The following USP6NL variants were observed in gnomAD, a reference collection of about 807,000 sequenced individuals.
USP6NL encodes the protein USP6 N-terminal like.
Under a neutral mutation model 61.9 loss-of-function variants are expected in USP6NL, and 26 were observed. The observed-to-expected ratio is 0.42, with a 90% CI of 0.31 to 0.58. USP6NL has a LOEUF of 0.58. Ranked by LOEUF, USP6NL falls within the 20% of genes least tolerant of loss-of-function variation. USP6NL has a pLI of 0.16. For synonymous variants in USP6NL, 432 were observed against 390.1 expected (o/e 1.11, Z -1.27); for missense variants, 1,114 against 1,034.3 (o/e 1.08, Z -1.06).
rs773714928 is a variant in USP6NL at position 11,518,580 on chromosome 10, G to A, written c.156-6C>T. ...GATCTGGGAGCTCCTCCTCACTGCA[G>A]AGGAAAAACAGTATTATATGAAATT... is the stretch of plus-strand genomic sequence containing the variant. On this transcript the variant is annotated splice_region_variant and splice_polypyrimidine_tract_variant and intron_variant, in intron 4 of 14. Coordinates refer to ENST00000609104, the MANE Select transcript of USP6NL (RefSeq NM_014688.5). This position sits in a 1 kb window ranked among gnomAD's most constrained non-coding sequence, Gnocchi z 5.3. The A allele has an allele frequency of 2.5e-6, 4 of 1,610,216 alleles. No homozygotes were observed. The highest frequency in any genetic ancestry group is 1.3e-5 in the African/African-American group (1 of 74,662).
chr10:11,495,185 C>T lies in USP6NL; in HGVS notation c.385-1957G>A, dbSNP rs1833867359. 6.6e-6 allele frequency among the ~76,000 whole-genome samples: 1 copy of T among 152,252 alleles called. No individual in the cohort carries two copies. The highest frequency in any genetic ancestry group is 1.5e-5 in the Non-Finnish European group (1 of 68,040). Reference sequence around the variant, plus strand: ...TCGCACTCTTGTCTTCTGGTCACTTCTCACTGTGTCCCCTCAGCTCCTATC... The same window carrying T: ...TCGCACTCTTGTCTTCTGGTCACTTTTCACTGTGTCCCCTCAGCTCCTATC... On this transcript the variant is annotated intron_variant, in intron 7 of 14. Transcript: ENST00000609104. This position sits in a 1 kb window ranked among gnomAD's most constrained non-coding sequence, Gnocchi z 4.6.
rs1833676117 is a variant in USP6NL, at chr10:11,490,665, G to GAATA, written c.543+166_543+167insTATT. ...CACTTCAGAATCAGCTCTGTTCTAA[G>GAATA]GCCCTAGGGTTATCACAGGGTTTCA... On this transcript the variant is annotated intron_variant, in intron 9 of 14. Coordinates refer to ENST00000609104, the MANE Select transcript of USP6NL (RefSeq NM_014688.5). The surrounding 1 kb of genome is among the most constrained non-coding windows in gnomAD (Gnocchi z 4.5). 6.6e-6 allele frequency among the ~76,000 whole-genome samples: 1 copy of GAATA among 152,174 alleles called. No homozygotes were observed. Among genetic ancestry groups the GAATA allele is most frequent in the Non-Finnish European group, 1.5e-5 (1 of 68,042 alleles).
In USP6NL at chr10:11,465,833, G is replaced by A. The variant is rs1475552300; in HGVS notation, c.1079-1984C>T. On this transcript the variant is annotated intron_variant, in intron 14 of 14. Coordinates refer to ENST00000609104, the MANE Select transcript of USP6NL (RefSeq NM_014688.5). This position sits in a 1 kb window ranked among gnomAD's most constrained non-coding sequence, Gnocchi z 4.5. ...ATATCCCCAATCTCAAAACTGGATT[G>A]TTTTAAATAAATTTTAGGGACTGCC... Among the ~76,000 whole-genome samples the A allele has an allele frequency of 6.6e-6, 1 of 152,162 alleles. No homozygotes were observed. The highest frequency in any genetic ancestry group is 1.5e-5 in the Non-Finnish European group (1 of 68,012).
Position 11,602,946 on chromosome 10 carries a change from T to C in USP6NL, c.-83-5229A>G, listed in dbSNP as rs976881049. 6.6e-6 allele frequency among the ~76,000 whole-genome samples: 1 copy of C among 152,228 alleles called. No individual in the cohort carries two copies. Among genetic ancestry groups the C allele is most frequent in the Non-Finnish European group, 1.5e-5 (1 of 68,028 alleles). On this transcript the variant is annotated intron_variant, in intron 1 of 14. Transcript: ENST00000609104. This position sits in a 1 kb window ranked among gnomAD's most constrained non-coding sequence, Gnocchi z 4.8. ...CAGTTCTTATGCTTTCCCTAAAGAA[T>C]GCTCTTGCTGCAACCCCGTGAAACA...
At chr10:11,559,299 T>C (rs1418097026) in intron 2 of USP6NL, among the ~76,000 whole-genome samples, 8 of 152,176 alleles carry the variant, frequency 5.3e-5, no homozygotes, top group Non-Finnish European at 1.5e-5. Context: ...ACTTCTCACC[T>C]TGAAGTTATA....
chr10:11,531,091 C>G (rs1835637893), intron 2 of USP6NL, among the ~76,000 whole-genome samples: 1 of 152,172 alleles, frequency 6.6e-6, no homozygotes, highest in Admixed American at 6.5e-5. Flanking sequence ...AAAATTTAAT[C>G]AGGACATTAT....
chr10:11,552,386 T>C (rs1158233526), intron 2 of USP6NL, among the ~76,000 whole-genome samples: 3 of 152,236 alleles, frequency 2.0e-5, no homozygotes, highest in Non-Finnish European at 4.4e-5. Flanking sequence ...ACAATGTTAA[T>C]CATAATCCTT....
rs1248237033 is a variant in USP6NL, at chr10:11,602,816, C to T, written c.-83-5099G>A. Among the ~76,000 whole-genome samples, 2 of 152,178 alleles carry T rather than the reference C, an allele frequency of 1.3e-5. No individual in the cohort carries two copies. Among genetic ancestry groups the T allele is most frequent in the African/African-American group, 4.8e-5 (2 of 41,430 alleles). ...GAAACACTTCTGGTCCCAAGCATTT[C>T]AGGTAAGAGATACTCAACCTGTCAT... On this transcript the variant is annotated intron_variant, in intron 1 of 14. Coordinates refer to ENST00000609104, the MANE Select transcript of USP6NL (RefSeq NM_014688.5). This position sits in a 1 kb window ranked among gnomAD's most constrained non-coding sequence, Gnocchi z 4.8.
In USP6NL at chr10:11,468,614, C is replaced by T. The variant is rs1302290770; in HGVS notation, c.1079-4765G>A. Among the ~76,000 whole-genome samples, 1 of 152,156 alleles carries T rather than the reference C, an allele frequency of 6.6e-6. No homozygotes were observed. The highest frequency in any genetic ancestry group is 1.5e-5 in the Non-Finnish European group (1 of 68,022). On this transcript the variant is annotated intron_variant, in intron 14 of 14. Transcript: ENST00000609104. This position sits in a 1 kb window ranked among gnomAD's most constrained non-coding sequence, Gnocchi z 4.5. ...GGTTTCATAAAACACCAGTGTGGTG[C>T]AGGAAACAATAAACTGTAGCGTGGG... is the stretch of plus-strand genomic sequence containing the variant.
chr10:11,579,768 A>G (rs534847171), intron 2 of USP6NL, among the ~76,000 whole-genome samples: 2 of 147,264 alleles, frequency 1.4e-5, no homozygotes, highest in Admixed American at 1.4e-4. Flanking sequence ...TGGGGGAGAT[A>G]GACTAGATCT....
At chr10:11,606,691 A>G (rs1472530458) in intron 1 of USP6NL, among the ~76,000 whole-genome samples, 1 of 152,236 alleles carries the variant, frequency 6.6e-6, no homozygotes, top group African/African-American at 2.4e-5. Flanking sequence ...ATCCCAAGCT[A>G]AAAAATGAAA....
chr10:11,523,488 G>A (rs530059033), intron 4 of USP6NL, among the ~76,000 whole-genome samples: 24 of 152,086 alleles, frequency 1.6e-4, no homozygotes, highest in Non-Finnish European at 2.9e-4. Flanking sequence ...TAACTTGATG[G>A]TATGTTTTCA....
At chr10:11,522,036 C>T (rs1225673011) in intron 4 of USP6NL, among the ~76,000 whole-genome samples, 2 of 152,218 alleles carry the variant, frequency 1.3e-5, no homozygotes, top group East Asian at 1.9e-4. Flanking sequence ...ATGGCACACA[C>T]TGGGGAGAAT....
At chr10:11,479,732 T>C (rs1354107888) in intron 14 of USP6NL, among the ~76,000 whole-genome samples, 3 of 152,022 alleles carry the variant, frequency 2.0e-5, no homozygotes, top group Admixed American at 6.5e-5. Flanking sequence ...CCTGCCACTA[T>C]GCCCGACTAA....
chr10:11,543,919 C>T (rs566247454), intron 2 of USP6NL, among the ~76,000 whole-genome samples: 1 of 135,986 alleles, frequency 7.4e-6, no homozygotes, highest in Non-Finnish European at 1.5e-5. Flanking sequence ...TCATACCATT[C>T]TCCTGCCTCA....
chr10:11,521,939 G>C (rs963937145), intron 4 of USP6NL, among the ~76,000 whole-genome samples: 2 of 152,180 alleles, frequency 1.3e-5, no homozygotes, highest in Non-Finnish European at 2.9e-5. Flanking sequence ...TAGACTAGCA[G>C]TGACTATTTT....
At chr10:11,477,489 C>CA (rs1440144355) in intron 14 of USP6NL, among the ~76,000 whole-genome samples, 1 of 152,124 alleles carries the variant, frequency 6.6e-6, no homozygotes, top group Non-Finnish European at 1.5e-5. Context: ...CATTAACCCC[C>CA]AAAACAATTA....
chr10:11,555,803 C>A lies in USP6NL; in HGVS notation c.5-28236G>T, dbSNP rs183413448. On this transcript the variant is annotated intron_variant, in intron 2 of 14. Coordinates refer to ENST00000609104, the MANE Select transcript of USP6NL (RefSeq NM_014688.5). Reference sequence around the variant, plus strand: ...ACCTTCAAATGGGCAGCAATAAGATCAACTGCAAATTTCTAAACAGAAACT... The same window carrying A: ...ACCTTCAAATGGGCAGCAATAAGATAAACTGCAAATTTCTAAACAGAAACT... 3.2e-3 allele frequency among the ~76,000 whole-genome samples: 489 copies of A among 152,226 alleles called. 2 individuals carry two copies. Among genetic ancestry groups the A allele is most frequent in the African/African-American group, 0.011 (448 of 41,548 alleles).
At position 11,462,249 on chromosome 10, in the gene USP6NL, T is replaced by C. The variant is rs2096217168; in HGVS notation, c.*192A>G. On this transcript the variant is annotated 3_prime_UTR_variant, in exon 15 of 15. Transcript: ENST00000609104. ...TTAAATTCTAACAGGTCAGTGATGA[T>C]GCAATTGAAACGCTCATCTTAAGCA... 2 of 658,204 alleles carry C rather than the reference T, an allele frequency of 3.0e-6. No individual in the cohort carries two copies. Among genetic ancestry groups the C allele is most frequent in the East Asian group, 2.8e-5 (1 of 35,622 alleles). 40.8% of individuals were successfully genotyped at this position (658,204 alleles called of 1,614,324 possible). A position where few individuals can be genotyped will look rare whatever the true frequency, so the allele number is the denominator to read the frequency against.
Sources: allele counts gnomAD v4.1 joint callset (sites outside exome capture counted in the v4.1 genomes callset), GRCh38; gene constraint gnomAD v4.1.1; non-coding constraint Gnocchi (gnomAD v3.1); transcripts MANE v1.5; gene names NCBI Gene and HGNC (gene_info 2026-07-23, HGNC 2026-07-21).